The following BMPER variants were observed in gnomAD, a reference collection of about 807,000 sequenced individuals.
The protein encoded by BMPER is BMP-binding endothelial regulator protein.
In BMPER, 45 loss-of-function variants were observed where a neutral mutation model predicts 87.3. The observed-to-expected ratio is 0.52, with a 90% CI of 0.41 to 0.66. The LOEUF is 0.66. BMPER is among the 30% of genes least tolerant of loss of function. The pLI is 0.00. For synonymous variants in BMPER, 326 were observed against 316.2 expected (o/e 1.03, Z -0.33); for missense variants, 784 against 867.5 (o/e 0.90, Z 1.21).
chr7:34,008,008 T>C (rs1252515699), intron 6 of BMPER, among the ~76,000 whole-genome samples: 1 of 152,022 alleles, frequency 6.6e-6, no homozygotes, highest in Non-Finnish European at 1.5e-5. Context: ...GTGATAAATA[T>C]TAAGTTATTT....
chr7:33,947,235 A>G (rs1277548917), intron 3 of BMPER, among the ~76,000 whole-genome samples: 3 of 152,180 alleles, frequency 2.0e-5, no homozygotes, highest in Non-Finnish European at 1.5e-5. Flanking sequence ...CCTTTAATGT[A>G]GGGTTCTTTC....
At chr7:34,057,597 G>T (rs1168202649) in intron 9 of BMPER, among the ~76,000 whole-genome samples, 1 of 152,222 alleles carries the variant, frequency 6.6e-6, no homozygotes, top group African/African-American at 2.4e-5. Context: ...CCAGAACCAT[G>T]GCACATCTGG....
intron 11 of BMPER, among the ~76,000 whole-genome samples, 176 bp from the exon 12 acceptor site, chr7:34,078,681 C>T (rs989795210): frequency 6.6e-6 from 1 of 152,126 alleles, no homozygotes; most frequent in African/African-American, 2.4e-5. Flanking sequence ...CAGAAGTATT[C>T]TGAGTATTCT....
intron 6 of BMPER, among the ~76,000 whole-genome samples, chr7:34,017,737 G>T (rs1787068342): frequency 1.3e-5 from 2 of 151,508 alleles, no homozygotes; most frequent in African/African-American, 2.4e-5. Context: ...CTAGGGCAGG[G>T]TGTAAGAATC....
At chr7:33,920,602 T>C (rs1784205180) in intron 2 of BMPER, among the ~76,000 whole-genome samples, 1 of 151,800 alleles carries the variant, frequency 6.6e-6, no homozygotes, top group African/African-American at 2.4e-5. Flanking sequence ...ATTTTTGTAT[T>C]TTTAGTAGAG....
At position 34,113,252 on chromosome 7, in the gene BMPER, A is replaced by G. The variant is rs111612299; in HGVS notation, c.1745+27160A>G. Among the ~76,000 whole-genome samples, 665 of 152,004 alleles carry G rather than the reference A, an allele frequency of 4.4e-3. 4 individuals are homozygous for G. Among genetic ancestry groups the G allele is most frequent in the African/African-American group, 0.015 (636 of 41,526 alleles). On this transcript the variant is annotated intron_variant, in intron 13 of 14. Coordinates refer to ENST00000649409, the MANE Select transcript of BMPER (RefSeq NM_001365308.1). ...TTGGTATTAAAGATATTAGCCTTTT[A>G]TAGTATGCTGCAATATTTTTCCCTT...
At chr7:34,076,234 G>A (rs1205465620) in intron 11 of BMPER, among the ~76,000 whole-genome samples, 1 of 152,220 alleles carries the variant, frequency 6.6e-6, no homozygotes, top group East Asian at 1.9e-4. Context: ...ATCTTCTGCT[G>A]CTTCTATGAC....
intron 13 of BMPER, among the ~76,000 whole-genome samples, chr7:34,140,271 A>G (rs1790829873): frequency 6.6e-6 from 1 of 152,242 alleles, no homozygotes; most frequent in South Asian, 2.1e-4. Context: ...GTTTCACACC[A>G]CTGCCAGCGG....
rs1421693287 is a variant in BMPER at position 34,068,813 on chromosome 7, GA to G, written c.1078+6768del. Among the ~76,000 whole-genome samples, 8 of 152,292 alleles carry G rather than the reference GA, an allele frequency of 5.3e-5. No homozygotes were observed. In the East Asian group the frequency reaches 1.5e-3, roughly 29 times the overall value. On this transcript the variant is annotated intron_variant, in intron 11 of 14. Coordinates refer to ENST00000649409, the MANE Select transcript of BMPER (RefSeq NM_001365308.1). Reference sequence around the variant, plus strand: ...TTTTAGCATCAGGAAATTTGTAAGTGAAGGGACCTTAATATGAGGTTAGACC... The same window carrying G: ...TTTTAGCATCAGGAAATTTGTAAGTGAGGGACCTTAATATGAGGTTAGACC...
intron 11 of BMPER, among the ~76,000 whole-genome samples, chr7:34,073,828 C>T (rs771732723): frequency 1.4e-4 from 21 of 152,198 alleles, no homozygotes; most frequent in Non-Finnish European, 2.5e-4. Context: ...AGGAAATAGA[C>T]GACTTTGGCT....
intron 2 of BMPER, among the ~76,000 whole-genome samples, chr7:33,922,646 C>G (rs932805506): frequency 6.6e-6 from 1 of 152,130 alleles, no homozygotes; most frequent in Non-Finnish European, 1.5e-5. Flanking sequence ...TGTATTCTCT[C>G]CCTTGGACAC....
chr7:33,916,316 G>A (rs1483071182), intron 2 of BMPER, among the ~76,000 whole-genome samples: 1 of 152,222 alleles, frequency 6.6e-6, no homozygotes, highest in African/African-American at 2.4e-5. Flanking sequence ...TCAGAGTGTT[G>A]TTTTCTCAGT....
intron 2 of BMPER, 57 bp downstream of exon 2, chr7:33,906,960 C>T (rs943218952): frequency 9.8e-6 from 14 of 1,435,074 alleles, no homozygotes; most frequent in Admixed American, 6.7e-5. Context: ...AAGGTGAATC[C>T]ATTAAATGTG....
intron 6 of BMPER, among the ~76,000 whole-genome samples, chr7:33,994,627 G>A (rs541707161): frequency 6.6e-5 from 10 of 152,120 alleles, no homozygotes; most frequent in African/African-American, 2.4e-4. Flanking sequence ...GTTCCTATTC[G>A]GCCATCTTGT....
Position 33,969,581 on chromosome 7 carries a change from C to T in BMPER, c.403-748C>T, listed in dbSNP as rs980130008. On this transcript the variant is annotated intron_variant, in intron 4 of 14. Coordinates refer to ENST00000649409, the MANE Select transcript of BMPER (RefSeq NM_001365308.1). ...CGCCCGGCTAATTTTTTGTATTTTT[C>T]GTAGAGACGGGGTTTCACTGTGTTA... Among the ~76,000 whole-genome samples the T allele has an allele frequency of 2.6e-5, 4 of 151,994 alleles. 1 individual carries two copies. In the South Asian group the frequency reaches 6.2e-4, roughly 24 times the overall value.
chr7:34,097,045 C>T lies in BMPER; in HGVS notation c.1745+10953C>T, dbSNP rs1031494052. ...GAGCAAAACAAGTTAACAGGAATGT[C>T]GAGAGAGAGGGTTGTGTTTTCTGAT... On this transcript the variant is annotated intron_variant, in intron 13 of 14. Coordinates refer to ENST00000649409, the MANE Select transcript of BMPER (RefSeq NM_001365308.1). Among the ~76,000 whole-genome samples, 8 of 152,112 alleles carry T rather than the reference C, an allele frequency of 5.3e-5. 1 individual carries two copies. The highest frequency in any genetic ancestry group is 8.8e-5 in the Non-Finnish European group (6 of 68,032).
chr7:34,136,685 T>C (rs1255016271), intron 13 of BMPER, among the ~76,000 whole-genome samples: 1 of 152,260 alleles, frequency 6.6e-6, no homozygotes, highest in Non-Finnish European at 1.5e-5. Flanking sequence ...GTTTTCTTGC[T>C]ATCTTCCTTG....
At chr7:34,082,281 T>C (rs1433766331) in intron 12 of BMPER, among the ~76,000 whole-genome samples, 1 of 150,896 alleles carries the variant, frequency 6.6e-6, no homozygotes, top group African/African-American at 2.4e-5. Flanking sequence ...AAGATGCCTA[T>C]TTAAAATATT....
At chr7:34,097,055 G>T (rs989682177) in intron 13 of BMPER, among the ~76,000 whole-genome samples, 1 of 152,166 alleles carries the variant, frequency 6.6e-6, no homozygotes, top group Non-Finnish European at 1.5e-5. Flanking sequence ...CGAGAGAGAG[G>T]GTTGTGTTTT....
Sources: gnomAD v4.1 joint callset for allele counts (sites outside exome capture counted in the v4.1 genomes callset) on GRCh38, gnomAD v4.1.1 for gene constraint, MANE v1.5 for transcripts, NCBI Gene and HGNC (gene_info 2026-07-23, HGNC 2026-07-21) for gene names.